PTPRG: variants seen among roughly 807,000 people sequenced by gnomAD.
The protein encoded by PTPRG is protein tyrosine phosphatase receptor type G, also known as receptor-type tyrosine-protein phosphatase gamma.
PTPRG carries 102 observed loss-of-function variants against 165.3 expected under a neutral mutation model. That is an observed-to-expected ratio of 0.62 (90% CI 0.53 to 0.73). The LOEUF is 0.73. Ranked by LOEUF, PTPRG falls within the 30% of genes least tolerant of loss-of-function variation. The pLI, the probability that PTPRG is intolerant of heterozygous loss-of-function variation, is 0.00. For missense variants in PTPRG, 1,866 were observed against 1,861.4 expected (o/e 1.00, Z -0.05); for synonymous variants, 675 against 669.5 (o/e 1.01, Z -0.13).
At chr3:61,574,614 T>G (rs975462454) in intron 1 of PTPRG, among the ~76,000 whole-genome samples, 1 of 152,192 alleles carries the variant, frequency 6.6e-6, no homozygotes, top group African/African-American at 2.4e-5. Context: ...AATTATTTCA[T>G]GTGATAGAGG....
At chr3:61,796,271 T>G (rs1474889172) in intron 2 of PTPRG, among the ~76,000 whole-genome samples, 1 of 152,246 alleles carries the variant, frequency 6.6e-6, no homozygotes, top group African/African-American at 2.4e-5. Flanking sequence ...TTAGGTTTCC[T>G]GAGCATCCCC....
chr3:61,611,518 G>A (rs534354338), intron 1 of PTPRG, among the ~76,000 whole-genome samples: 2 of 152,200 alleles, frequency 1.3e-5, no homozygotes, highest in Non-Finnish European at 2.9e-5. Context: ...GGAGAAGGGA[G>A]CCTGTTTAGA....
chr3:62,194,278 G>T (rs1015865913), intron 9 of PTPRG, among the ~76,000 whole-genome samples: 1 of 152,178 alleles, frequency 6.6e-6, no homozygotes, highest in Non-Finnish European at 1.5e-5. Context: ...CTGTTGCTCG[G>T]TGTGGTCTAC....
rs1232067579 is a variant in PTPRG, at chr3:62,237,539, A to G, written c.2375+6228A>G. Among the ~76,000 whole-genome samples, 3 of 152,202 alleles carry G rather than the reference A, an allele frequency of 2.0e-5. No individual in the cohort carries two copies. The highest frequency in any genetic ancestry group is 4.4e-5 in the Non-Finnish European group (3 of 68,028). ...GGCCGATGTGTTTCACATCCTGACTAAAAGATGTACTCTGCACGTTGTGTG... is the reference window on the plus strand; with the variant it reads ...GGCCGATGTGTTTCACATCCTGACTGAAAGATGTACTCTGCACGTTGTGTG... On this transcript the variant is annotated intron_variant, in intron 14 of 29. Transcript: ENST00000474889. This position sits in a 1 kb window ranked among gnomAD's most constrained non-coding sequence, Gnocchi z 4.5.
At chr3:62,084,233 T>G (rs2526423) in intron 5 of PTPRG, among the ~76,000 whole-genome samples, 50,130 of 152,084 alleles carry the variant, frequency 0.33, 10,400 homozygotes, top group African/African-American at 0.59. Flanking sequence ...TAAGAAGTAA[T>G]TGAATTGCAT....
chr3:61,870,783 T>C (rs888505514), intron 2 of PTPRG, among the ~76,000 whole-genome samples: 10 of 152,058 alleles, frequency 6.6e-5, no homozygotes, highest in African/African-American at 2.4e-4. Context: ...TATTGAAATG[T>C]TGAATAAAAT....
chr3:62,106,582 C>G (rs939511215), intron 5 of PTPRG, among the ~76,000 whole-genome samples: 2 of 149,842 alleles, frequency 1.3e-5, no homozygotes, highest in African/African-American at 2.5e-5. Context: ...TTCACCGCAG[C>G]CTTGACATCC....
At chr3:61,748,742 TA>T in intron 1 of PTPRG, 135 bp from the exon 2 acceptor site, 1 of 580,462 alleles carries the variant, frequency 1.7e-6, no homozygotes, top group South Asian at 2.2e-5. Context: ...TTTTTTTTTG[TA>T]AAATAAGTTG....
chr3:62,015,701 G>A (rs2041527949), intron 4 of PTPRG, among the ~76,000 whole-genome samples: 1 of 152,086 alleles, frequency 6.6e-6, no homozygotes, highest in Non-Finnish European at 1.5e-5. Flanking sequence ...GAAGACCTGT[G>A]GGTGCTGAGA....
chr3:61,919,493 C>T (rs2039025409), intron 2 of PTPRG, among the ~76,000 whole-genome samples: 1 of 152,200 alleles, frequency 6.6e-6, no homozygotes, highest in Non-Finnish European at 1.5e-5. Flanking sequence ...TGCCTCCCTC[C>T]ACGATGGAGT....
chr3:62,139,763 T>C (rs536811656), intron 6 of PTPRG, among the ~76,000 whole-genome samples: 1 of 152,328 alleles, frequency 6.6e-6, no homozygotes, highest in Non-Finnish European at 1.5e-5. Flanking sequence ...TGGCTCACAT[T>C]TGGGGTCTCC....
chr3:62,202,865 C>CT (rs1270736059), intron 11 of PTPRG, among the ~76,000 whole-genome samples: 1 of 152,246 alleles, frequency 6.6e-6, no homozygotes, highest in African/African-American at 2.4e-5. Flanking sequence ...TGTAAGTCAG[C>CT]TTTAACACTA....
At chr3:61,648,807 A>G (rs1378628570) in intron 1 of PTPRG, among the ~76,000 whole-genome samples, 2 of 152,226 alleles carry the variant, frequency 1.3e-5, no homozygotes, top group Admixed American at 6.5e-5. Context: ...TGTATATTTC[A>G]AACTCCAAAT....
intron 1 of PTPRG, among the ~76,000 whole-genome samples, chr3:61,733,477 C>A (rs2032598017): frequency 6.6e-6 from 1 of 152,134 alleles, no homozygotes; most frequent in African/African-American, 2.4e-5. Flanking sequence ...TCCCAGAAAG[C>A]TCTGGTGAGG....
chr3:62,149,631 C>T (rs1357397612), intron 6 of PTPRG, among the ~76,000 whole-genome samples: 2 of 152,180 alleles, frequency 1.3e-5, no homozygotes, highest in Non-Finnish European at 2.9e-5. Flanking sequence ...TCACCCTCAG[C>T]CTCTTTCTTT....
intron 2 of PTPRG, among the ~76,000 whole-genome samples, chr3:61,852,148 A>C (rs1318204130): frequency 6.6e-6 from 1 of 152,112 alleles, no homozygotes; most frequent in African/African-American, 2.4e-5. Context: ...TTTCTTTTTA[A>C]GGTGTTTGGA....
intron 1 of PTPRG, among the ~76,000 whole-genome samples, chr3:61,694,599 A>AT (rs2030451823): frequency 6.6e-6 from 1 of 152,180 alleles, no homozygotes; most frequent in South Asian, 2.1e-4. Context: ...ACCAAGGTTT[A>AT]TGTACTAAGA....
At chr3:62,208,997 C>T (rs541560989) in intron 12 of PTPRG, among the ~76,000 whole-genome samples, 3 of 152,330 alleles carry the variant, frequency 2.0e-5, no homozygotes, top group African/African-American at 7.2e-5. Context: ...GGCTCTGACT[C>T]TATAGTCCAG....
chr3:61,734,551 A>T (rs896927226), intron 1 of PTPRG, among the ~76,000 whole-genome samples: 1 of 152,108 alleles, frequency 6.6e-6, no homozygotes, highest in African/African-American at 2.4e-5. Context: ...TGGCTTTGGC[A>T]CCCGGTTGTC....
Sources: gnomAD v4.1 joint callset for allele counts (sites outside exome capture counted in the v4.1 genomes callset) on GRCh38, gnomAD v4.1.1 for gene constraint, Gnocchi (gnomAD v3.1) non-coding constraint, MANE v1.5 for transcripts, NCBI Gene and HGNC (gene_info 2026-07-23, HGNC 2026-07-21) for gene names.